SYNDIG1: variants seen among roughly 807,000 people sequenced by gnomAD.
SYNDIG1 encodes the protein synapse differentiation inducing 1.
A neutral mutation model predicts 19.4 loss-of-function variants in SYNDIG1; 9 were observed. The ratio of observed to expected loss-of-function variants is 0.46; its 90% confidence interval spans 0.28 to 0.81. SYNDIG1 has a LOEUF of 0.81. Among genes scored for constraint, SYNDIG1 ranks in the 30% least tolerant of loss-of-function variants. The probability of loss-of-function intolerance (pLI) is 0.12; values close to 1 mark genes in which losing one functional copy is unlikely to be tolerated. For missense variants in SYNDIG1, 311 were observed against 343.3 expected (o/e 0.91, Z 0.74); for synonymous variants, 141 against 145.9 (o/e 0.97, Z 0.24).
intron 3 of SYNDIG1, among the ~76,000 whole-genome samples, chr20:24,587,901 C>T (rs577554706): frequency 2.8e-4 from 42 of 152,326 alleles, no homozygotes; most frequent in African/African-American, 1.0e-3. Context: ...GACAGTCAGG[C>T]TGTGTCTGCT....
At chr20:24,569,494 C>A (rs998486494) in intron 2 of SYNDIG1, among the ~76,000 whole-genome samples, 1 of 152,154 alleles carries the variant, frequency 6.6e-6, no homozygotes, top group African/African-American at 2.4e-5. Flanking sequence ...GGTAGCCCAC[C>A]CCAAGGACAT....
chr20:24,551,317 G>A (rs185618395), intron 2 of SYNDIG1, among the ~76,000 whole-genome samples: 2 of 152,152 alleles, frequency 1.3e-5, no homozygotes, highest in Non-Finnish European at 2.9e-5. Flanking sequence ...TTTACTTTCT[G>A]TATGGTTGGT....
intron 2 of SYNDIG1, among the ~76,000 whole-genome samples, chr20:24,552,097 T>C (rs2057716492): frequency 6.6e-6 from 1 of 152,204 alleles, no homozygotes; most frequent in African/African-American, 2.4e-5. Flanking sequence ...GTCTATTTCT[T>C]TCTTTTATTT....
intron 2 of SYNDIG1, among the ~76,000 whole-genome samples, chr20:24,570,051 A>G (rs1326088239): frequency 6.6e-6 from 1 of 152,204 alleles, no homozygotes; most frequent in Non-Finnish European, 1.5e-5. Context: ...TCATATACCA[A>G]TTTCAGTATT....
At chr20:24,583,364 T>C (rs553767893) in intron 2 of SYNDIG1, among the ~76,000 whole-genome samples, 1 of 152,214 alleles carries the variant, frequency 6.6e-6, no homozygotes, top group Non-Finnish European at 1.5e-5. Flanking sequence ...TGCCATGCAC[T>C]GCCAGTCATT....
At position 24,470,181 on chromosome 20, in the gene SYNDIG1, C is replaced by A. The variant is rs145959093; in HGVS notation, c.-79+428C>A. Among the ~76,000 whole-genome samples, 868 of 152,324 alleles carry A rather than the reference C, an allele frequency of 5.7e-3. 8 individuals carry two copies. The highest frequency in any genetic ancestry group is 0.019 in the African/African-American group (805 of 41,578). ...TGAGGGCGCGCGGCGGGCCAAGGCTCTGCGGGTTCGGGCTGCCCCTCGGAG... is the reference window on the plus strand; with the variant it reads ...TGAGGGCGCGCGGCGGGCCAAGGCTATGCGGGTTCGGGCTGCCCCTCGGAG... On this transcript the variant is annotated intron_variant, in intron 1 of 3. Transcript: ENST00000376862.
chr20:24,617,785 G>T (rs529738372), intron 3 of SYNDIG1, among the ~76,000 whole-genome samples: 1 of 148,618 alleles, frequency 6.7e-6, no homozygotes, highest in South Asian at 2.2e-4. Flanking sequence ...AGAGGGGAGA[G>T]CCCGGGAAGG....
chr20:24,508,665 A>T (rs2056666465), intron 1 of SYNDIG1, among the ~76,000 whole-genome samples: 1 of 152,268 alleles, frequency 6.6e-6, no homozygotes, highest in South Asian at 2.1e-4. Context: ...TAGAAGTTGA[A>T]GATCAAATTT....
intron 3 of SYNDIG1, among the ~76,000 whole-genome samples, chr20:24,623,286 T>C (rs2059067853): frequency 1.3e-5 from 2 of 152,170 alleles, no homozygotes; most frequent in African/African-American, 4.8e-5. Context: ...CAAGTTAGAA[T>C]TGCATATTCA....
chr20:24,480,208 G>A (rs954687125), intron 1 of SYNDIG1, among the ~76,000 whole-genome samples: 6 of 152,204 alleles, frequency 3.9e-5, no homozygotes, highest in African/African-American at 1.4e-4. Flanking sequence ...TGTGGCATTA[G>A]CAGAACAACC....
chr20:24,543,301 G>A lies in SYNDIG1; in HGVS notation c.204G>A (p.Glu68=). The A allele has an allele frequency of 6.2e-7, 1 of 1,613,586 alleles. No homozygotes were observed. Among genetic ancestry groups the A allele is most frequent in the Non-Finnish European group, 8.5e-7 (1 of 1,180,046 alleles). ...CCAGCCTGGACAGCAGCAGGAGTGA[G>A]CCGATGCAGCAGCTGCTGGACCCCA... ...VPASLDSSRS[E]PMQQLLDPNT... is the part of the protein sequence containing the mutation. Residue 68 remains glutamate, a synonymous_variant, in exon 2 of 4, where the codon GAG becomes GAA. Transcript: ENST00000376862.
intron 1 of SYNDIG1, among the ~76,000 whole-genome samples, chr20:24,500,359 C>T (rs982420737): frequency 6.6e-5 from 10 of 152,074 alleles, no homozygotes; most frequent in Non-Finnish European, 1.5e-4. Flanking sequence ...CCTTTTCTAT[C>T]GAGTGTTGTT....
chr20:24,530,153 A>G (rs73343340), intron 1 of SYNDIG1, among the ~76,000 whole-genome samples: 1,960 of 148,222 alleles, frequency 0.013, 46 homozygotes, highest in African/African-American at 0.046. Context: ...AGCTAAAGGG[A>G]GTTGGCACAA....
chr20:24,660,440 A>G (rs1433915221), intron 3 of SYNDIG1, among the ~76,000 whole-genome samples: 1 of 152,118 alleles, frequency 6.6e-6, no homozygotes, highest in African/African-American at 2.4e-5. Context: ...GGGTCCATGT[A>G]CAGCATGTTC....
chr20:24,494,954 T>C (rs1236027990), intron 1 of SYNDIG1, among the ~76,000 whole-genome samples: 4 of 152,192 alleles, frequency 2.6e-5, no homozygotes, highest in African/African-American at 9.7e-5. Flanking sequence ...ACTACCTCAG[T>C]CCAGGTCCAG....
In SYNDIG1 at chr20:24,610,866, G is replaced by A. The variant is rs181902436; in HGVS notation, c.618+25873G>A. 2.5e-4 allele frequency among the ~76,000 whole-genome samples: 38 copies of A among 152,238 alleles called. No individual in the cohort carries two copies. The East Asian group carries it at 2.5e-3, about 10-fold the overall frequency. On this transcript the variant is annotated intron_variant, in intron 3 of 3. Coordinates refer to ENST00000376862, the MANE Select transcript of SYNDIG1 (RefSeq NM_024893.3). ...CACAGGAGGAAGCCAGGCCACTCTC[G>A]GCACCTTTGCCTTGTCAAGAAGGGC...
At chr20:24,653,589 A>G (rs893856580) in intron 3 of SYNDIG1, among the ~76,000 whole-genome samples, 24 of 152,174 alleles carry the variant, frequency 1.6e-4, no homozygotes, top group African/African-American at 4.8e-4. Context: ...TCTAATGCCC[A>G]GGCCCCAGTG....
Position 24,609,019 on chromosome 20 carries a change from A to G in SYNDIG1, c.618+24026A>G, listed in dbSNP as rs182578494. ...AGTCATGGGTTGATCAGCACATTAT[A>G]GATTCTCATGGGAATCCAGGGCTAT... On this transcript the variant is annotated intron_variant, in intron 3 of 3. Coordinates refer to ENST00000376862, the MANE Select transcript of SYNDIG1 (RefSeq NM_024893.3). 2.2e-3 allele frequency among the ~76,000 whole-genome samples: 339 copies of G among 152,314 alleles called. 2 individuals carry two copies. The highest frequency in any genetic ancestry group is 7.1e-3 in the African/African-American group (294 of 41,578).
chr20:24,486,898 C>T (rs960456804), intron 1 of SYNDIG1, among the ~76,000 whole-genome samples: 1 of 152,054 alleles, frequency 6.6e-6, no homozygotes, highest in Non-Finnish European at 1.5e-5. Flanking sequence ...ACCTCGTGAT[C>T]CACCTGCCTC....
Sources: gnomAD v4.1 joint callset for allele counts (sites outside exome capture counted in the v4.1 genomes callset) on GRCh38, gnomAD v4.1.1 for gene constraint, MANE v1.5 for transcripts, NCBI Gene and HGNC (gene_info 2026-07-23, HGNC 2026-07-21) for gene names.